TCF12: variants seen among roughly 807,000 people sequenced by gnomAD.
TCF12 encodes the protein DNA-binding protein HTF4.
In TCF12, 45 loss-of-function variants were observed where a neutral mutation model predicts 86.0. That is an observed-to-expected ratio of 0.52 (90% CI 0.41 to 0.67). The LOEUF is 0.67. Ranked by LOEUF, TCF12 falls within the 30% of genes least tolerant of loss-of-function variation. TCF12 has a pLI of 0.00. For missense variants in TCF12, 881 were observed against 859.9 expected (o/e 1.02, Z -0.31); for synonymous variants, 330 against 299.6 (o/e 1.10, Z -1.05).
intron 8 of TCF12, among the ~76,000 whole-genome samples, chr15:57,222,257 G>T (rs1374215259): frequency 6.8e-6 from 1 of 147,532 alleles, no homozygotes; most frequent in Non-Finnish European, 1.5e-5. Context: ...CGAGTTGATT[G>T]CATATATTTA....
intron 3 of TCF12, among the ~76,000 whole-genome samples, chr15:57,057,082 T>C (rs2068087785): frequency 1.3e-5 from 2 of 152,226 alleles, no homozygotes; most frequent in South Asian, 4.1e-4. Context: ...GTTAGACTCA[T>C]AGCAAAAATT....
At chr15:57,004,766 G>A (rs571006523) in intron 3 of TCF12, among the ~76,000 whole-genome samples, 2 of 151,914 alleles carry the variant, frequency 1.3e-5, no homozygotes, top group African/African-American at 4.8e-5. Context: ...ATGTTCATCC[G>A]TCTGGTCTCG....
At chr15:56,999,505 A>C (rs181601130) in intron 3 of TCF12, among the ~76,000 whole-genome samples, 2 of 152,180 alleles carry the variant, frequency 1.3e-5, no homozygotes, top group Admixed American at 6.5e-5. Flanking sequence ...GGTGAAATAG[A>C]CTAATTCCTT....
intron 5 of TCF12, among the ~76,000 whole-genome samples, chr15:57,151,599 T>C (rs1410301474): frequency 1.3e-5 from 2 of 152,024 alleles, no homozygotes; most frequent in Non-Finnish European, 2.9e-5. Flanking sequence ...ACCCTGTCTC[T>C]ACTAAAAATA....
intron 3 of TCF12, among the ~76,000 whole-genome samples, chr15:56,941,487 C>G (rs913404205): frequency 3.3e-5 from 5 of 152,046 alleles, no homozygotes; most frequent in African/African-American, 9.6e-5. Flanking sequence ...ATTCTCCTGC[C>G]TCAGCTTCCT....
intron 3 of TCF12, among the ~76,000 whole-genome samples, chr15:56,966,032 T>A (rs1184598762): frequency 6.6e-6 from 1 of 152,216 alleles, no homozygotes; most frequent in Admixed American, 6.5e-5. Context: ...TGTTGTATTT[T>A]GCATCATGAG....
chr15:57,102,013 A>G (rs62024362), intron 5 of TCF12, among the ~76,000 whole-genome samples: 5,025 of 152,328 alleles, frequency 0.033, 127 homozygotes, highest in Non-Finnish European at 0.048. Flanking sequence ...ACCAATATCA[A>G]TGATAATCGT....
At chr15:57,015,341 G>T (rs1279500832) in intron 3 of TCF12, among the ~76,000 whole-genome samples, 1 of 152,156 alleles carries the variant, frequency 6.6e-6, no homozygotes, top group East Asian at 1.9e-4. Context: ...ATAGTGCTAA[G>T]TCTCCCACCC....
At chr15:57,088,997 A>G (rs2048821939) in intron 4 of TCF12, among the ~76,000 whole-genome samples, 1 of 152,160 alleles carries the variant, frequency 6.6e-6, no homozygotes, top group South Asian at 2.1e-4. Context: ...TATTACTACT[A>G]CTGTGTGAAA....
chr15:57,098,014 A>AT (rs1328507604), intron 5 of TCF12, among the ~76,000 whole-genome samples: 3 of 146,892 alleles, frequency 2.0e-5, no homozygotes, highest in East Asian at 2.0e-4. Context: ...AAATACAAAA[A>AT]AAAAAAAAAA....
chr15:56,947,380 G>A (rs894938730), intron 3 of TCF12, among the ~76,000 whole-genome samples: 1 of 152,118 alleles, frequency 6.6e-6, no homozygotes, highest in East Asian at 1.9e-4. Context: ...CCTTCTCTGC[G>A]TAGCTTCCTC....
chr15:57,080,172 A>G (rs1424787460), intron 4 of TCF12, among the ~76,000 whole-genome samples: 1 of 152,238 alleles, frequency 6.6e-6, no homozygotes, highest in Non-Finnish European at 1.5e-5. Flanking sequence ...AAGCTAATTT[A>G]TCATTTAAAG....
intron 5 of TCF12, among the ~76,000 whole-genome samples, chr15:57,093,486 CAT>C (rs1316667699): frequency 6.6e-6 from 1 of 152,126 alleles, no homozygotes; most frequent in Non-Finnish European, 1.5e-5. Context: ...ATTCTTCACT[CAT>C]AGAGATGACT....
chr15:57,234,468 T>C (rs1025132492), intron 12 of TCF12, among the ~76,000 whole-genome samples: 1 of 152,188 alleles, frequency 6.6e-6, no homozygotes, highest in Non-Finnish European at 1.5e-5. Flanking sequence ...AAGAAACTTT[T>C]CCAAGATCAA....
At chr15:57,257,335 T>C (rs1409664616) in intron 16 of TCF12, among the ~76,000 whole-genome samples, 4 of 152,078 alleles carry the variant, frequency 2.6e-5, no homozygotes. Flanking sequence ...GATCCACTGG[T>C]AGTGGAAGAG....
intron 3 of TCF12, among the ~76,000 whole-genome samples, chr15:57,042,579 A>G (rs1289235366): frequency 6.6e-6 from 1 of 151,924 alleles, no homozygotes; most frequent in Non-Finnish European, 1.5e-5. Context: ...ATTCCTGGCT[A>G]ATTTTTAATT....
At chr15:57,065,051 G>A (rs1301503804) in intron 4 of TCF12, among the ~76,000 whole-genome samples, 2 of 152,098 alleles carry the variant, frequency 1.3e-5, no homozygotes, top group Non-Finnish European at 2.9e-5. Flanking sequence ...TTAAAATACG[G>A]GGTTTTACTG....
intron 8 of TCF12, among the ~76,000 whole-genome samples, chr15:57,201,961 AAG>A (rs748375110): frequency 5.3e-5 from 8 of 152,142 alleles, no homozygotes; most frequent in Non-Finnish European, 1.0e-4. Flanking sequence ...GGGGGAAAAA[AAG>A]GAAACATTTG....
Position 57,232,372 on chromosome 15 carries a change from C to A in TCF12, c.767C>A (p.Ser256Tyr), listed in dbSNP as rs751836593. The change falls in exon 10 of 21, where the codon TCC becomes TAC. Residue 256 changes from serine (S) to tyrosine (Y), a missense_variant. By Grantham distance (144) the Ser-to-Tyr change is moderately radical (BLOSUM62 -2). This residue lies in a region of TCF12 where 766 missense variants were observed against 718.9 expected (regional missense o/e 1.07). Coordinates refer to ENST00000333725, the MANE Select transcript of TCF12 (RefSeq NM_207037.2). ...GGTTTTGGTGGAATTCTGGGGACCT[C>A]CACTTCCCACATGTCTCAATCCAGT... Reference protein sequence around the residue: ...QPGFGGILGTSTSHMSQSSSY... With the variant: ...QPGFGGILGTYTSHMSQSSSY... 2.5e-6 allele frequency: 4 copies of A among 1,613,654 alleles called. No individual in the cohort carries two copies. The highest frequency in any genetic ancestry group is 3.3e-5 in the Admixed American group (2 of 59,928).
Sources: allele counts gnomAD v4.1 joint callset (sites outside exome capture counted in the v4.1 genomes callset), GRCh38; gene constraint gnomAD v4.1.1; regional missense constraint gnomAD v4.1.1; transcripts MANE v1.5; gene names NCBI Gene and HGNC (gene_info 2026-07-23, HGNC 2026-07-21).